Variants in MTUS1 observed in about 807,000 individuals in gnomAD.
MTUS1 encodes the protein microtubule-associated tumor suppressor 1.
A neutral mutation model predicts 120.8 loss-of-function variants in MTUS1; 109 were observed. That is an observed-to-expected ratio of 0.90 (90% confidence interval 0.77 to 1.06). The LOEUF is 1.06. Among genes scored for constraint, MTUS1 ranks in the 50% least tolerant of loss-of-function variants. The pLI is 0.00. For missense variants in MTUS1, 2,210 were observed against 1,486.3 expected, an observed-to-expected ratio of 1.49 and a Z score of -8.01; for synonymous variants, 737 against 550.5, an observed-to-expected ratio of 1.34 and a Z score of -4.74.
chr8:17,785,071 C>A (rs1375892649), intron 1 of MTUS1, among the ~76,000 whole-genome samples: 1 of 152,130 alleles, frequency 6.6e-6, no homozygotes, highest in Admixed American at 6.6e-5. Flanking sequence ...AGGTGTGATC[C>A]ACTGCGCCCC....
intron 9 of MTUS1, among the ~76,000 whole-genome samples, chr8:17,655,628 G>T (rs1190152220): frequency 6.6e-6 from 1 of 152,132 alleles, no homozygotes; most frequent in East Asian, 1.9e-4. Flanking sequence ...GGAGGTTGAG[G>T]AAGGAGAATC....
Position 17,645,567 on chromosome 8 carries a change from AACAT to A in MTUS1, c.*355_*358del, listed in dbSNP as rs1805610202. ...TCACAAGAAGGTGTCTGTGGTGAAG[AACAT>A]TACAAAGGTTATAAATCTTAATAGG... On this transcript the variant is annotated 3_prime_UTR_variant, in exon 15 of 15. Transcript: ENST00000693296. 5 of 178,760 alleles carry A rather than the reference AACAT, an allele frequency of 2.8e-5. No individual in the cohort carries two copies. The highest frequency in any genetic ancestry group is 5.8e-5 in the Non-Finnish European group (5 of 85,558). The allele number at this position is 178,760 out of a possible 1,614,324, so 11.1% of individuals were successfully genotyped here.
rs556767947 is a variant in MTUS1 at position 17,664,439 on chromosome 8, G to C, written c.2906-8374C>G. 6.6e-5 allele frequency among the ~76,000 whole-genome samples: 10 copies of C among 151,830 alleles called. No homozygotes were observed. In the East Asian group the frequency reaches 1.7e-3, roughly 27 times the overall value. ...AGACGCTCTGGCCAGCCTGCTGTGG[G>C]TGGCGACTCTCCCCCACCCCACCCC... On this transcript the variant is annotated intron_variant, in intron 8 of 14. Transcript: ENST00000693296.
chr8:17,714,496 A>C (rs1352222971), intron 5 of MTUS1, among the ~76,000 whole-genome samples: 3 of 152,186 alleles, frequency 2.0e-5, no homozygotes, highest in Admixed American at 6.5e-5. Flanking sequence ...ATCTTGACTC[A>C]CATTTGAAGA....
At chr8:17,756,012 GC>G in intron 1 of MTUS1, 51 bp from the exon 2 acceptor site, 1 of 1,205,668 alleles carries the variant, frequency 8.3e-7, no homozygotes. Context: ...AAATTAACAG[GC>G]CACCCCTTGG....
At chr8:17,760,418 C>T (rs1055766534) in intron 1 of MTUS1, among the ~76,000 whole-genome samples, 5 of 152,092 alleles carry the variant, frequency 3.3e-5, no homozygotes, top group Admixed American at 6.6e-5. Context: ...TTAAGCTGAT[C>T]AGTTCCAGCA....
intron 3 of MTUS1, among the ~76,000 whole-genome samples, chr8:17,740,928 C>T (rs992123961): frequency 6.6e-6 from 1 of 152,166 alleles, no homozygotes; most frequent in Non-Finnish European, 1.5e-5. Context: ...TGCAATGGTG[C>T]TATCTCGGCT....
In MTUS1 at chr8:17,713,182, T is replaced by G; in HGVS notation, c.2623+32A>C. ...GTAACATAACTTTACAAAAAGATTC[T>G]TTTTATCGCCATCCATAAAGTGGTC... is the stretch of plus-strand genomic sequence containing the variant. On this transcript the variant is annotated intron_variant, in intron 6 of 14. Coordinates refer to ENST00000693296, the MANE Select transcript of MTUS1 (RefSeq NM_001363059.2). 3 of 1,548,570 alleles carry G rather than the reference T, an allele frequency of 1.9e-6. No homozygotes were observed. In the South Asian group the frequency reaches 3.5e-5, roughly 18 times the overall value.
At chr8:17,703,628 CAAA>C (rs140018758) in intron 6 of MTUS1, among the ~76,000 whole-genome samples, 4 of 115,116 alleles carry the variant, frequency 3.5e-5, no homozygotes, top group Non-Finnish European at 5.4e-5. Flanking sequence ...GACTCTGTCT[CAAA>C]AAAAAAAAAA....
chr8:17,753,805 C>T lies in MTUS1; in HGVS notation c.2003G>A (p.Gly668Asp), dbSNP rs1451650754. The change falls in exon 2 of 15, where the codon GGT becomes GAT. Residue 668 changes from glycine to aspartate, a missense_variant. By Grantham distance (94) the Gly-to-Asp change is moderately conservative. Coordinates refer to ENST00000693296, the MANE Select transcript of MTUS1 (RefSeq NM_001363059.2). ...NIDRISPEKKGEKENGTSMEK... is the reference protein window; with the variant it reads ...NIDRISPEKKDEKENGTSMEK... ...CATAGATGTCCCATTTTCTTTTTCA[C>T]CCTTCTTTTCAGGGCTAATCCTATC... 8 of 1,613,648 alleles carry T rather than the reference C, an allele frequency of 5.0e-6. No homozygotes were observed. Among genetic ancestry groups the T allele is most frequent in the South Asian group, 1.1e-5 (1 of 90,884 alleles).
intron 7 of MTUS1, among the ~76,000 whole-genome samples, chr8:17,678,511 C>T (rs1236506049): frequency 6.6e-6 from 1 of 152,034 alleles, no homozygotes; most frequent in African/African-American, 2.4e-5. Context: ...GGCTGTGGTC[C>T]CATCGGTGTG....
At chr8:17,728,792 G>A (rs1314573355) in intron 3 of MTUS1, among the ~76,000 whole-genome samples, 2 of 151,546 alleles carry the variant, frequency 1.3e-5, no homozygotes, top group Non-Finnish European at 2.9e-5. Flanking sequence ...TGGGGGGGTC[G>A]GGGAGGGTGA....
chr8:17,738,513 G>A (rs1264589782), intron 3 of MTUS1, among the ~76,000 whole-genome samples: 4 of 152,144 alleles, frequency 2.6e-5, no homozygotes, highest in Non-Finnish European at 5.9e-5. Flanking sequence ...TGATCATGAA[G>A]GATTTACTCA....
chr8:17,671,486 AAG>A (rs2130597754), intron 8 of MTUS1, among the ~76,000 whole-genome samples: 1 of 152,336 alleles, frequency 6.6e-6, no homozygotes, highest in South Asian at 2.1e-4. Flanking sequence ...GGACACTTTT[AAG>A]AGTTTCTGCA....
chr8:17,732,416 G>A (rs2046647805), intron 3 of MTUS1, among the ~76,000 whole-genome samples: 1 of 152,282 alleles, frequency 6.6e-6, no homozygotes, highest in African/African-American at 2.4e-5. Context: ...TGGCTTCAGG[G>A]ATGCCCCTAC....
At chr8:17,679,681 T>C (rs1353633785) in intron 7 of MTUS1, among the ~76,000 whole-genome samples, 1 of 151,966 alleles carries the variant, frequency 6.6e-6, no homozygotes, top group African/African-American at 2.4e-5. Flanking sequence ...TTTGTATTTT[T>C]TGGTAGAGAC....
intron 4 of MTUS1, chr8:17,723,246 C>A: frequency 5.5e-6 from 1 of 181,338 alleles, no homozygotes; most frequent in South Asian, 1.1e-4. Flanking sequence ...CAAAATTCTC[C>A]TGAGTTTCAA....
At chr8:17,764,759 T>A (rs2049331022) in intron 1 of MTUS1, among the ~76,000 whole-genome samples, 1 of 152,220 alleles carries the variant, frequency 6.6e-6, no homozygotes, top group Admixed American at 6.5e-5. Context: ...AAAGAGGCAG[T>A]GGGCCAGACT....
chr8:17,675,151 C>T, intron 8 of MTUS1, 35 bp downstream of exon 8: 1 of 1,612,064 alleles, frequency 6.2e-7, no homozygotes, highest in Non-Finnish European at 8.5e-7. Context: ...CCCCTTGTCC[C>T]ATAAAATTTA....
Sources: allele counts gnomAD v4.1 joint callset (sites outside exome capture counted in the v4.1 genomes callset), GRCh38; gene constraint gnomAD v4.1.1; transcripts MANE v1.5; gene names NCBI Gene and HGNC (gene_info 2026-07-23, HGNC 2026-07-21).